Variants in PXDNL observed in about 807,000 individuals in gnomAD.
The protein encoded by PXDNL is probable oxidoreductase PXDNL.
A neutral mutation model predicts 150.8 loss-of-function variants in PXDNL; 145 were observed. The observed-to-expected ratio is 0.96, with a 90% CI of 0.84 to 1.10. The LOEUF is 1.10. Among genes scored for constraint, PXDNL ranks in the 50% least tolerant of loss-of-function variants. The pLI is 0.00. For missense variants in PXDNL, 2,087 were observed against 1,873.9 expected, an observed-to-expected ratio of 1.11 and a Z score of -2.10; for synonymous variants, 757 against 725.7, an observed-to-expected ratio of 1.04 and a Z score of -0.69.
At chr8:51,348,995 AGTG>A (rs1806251585) in intron 19 of PXDNL, among the ~76,000 whole-genome samples, 2 of 152,238 alleles carry the variant, frequency 1.3e-5, no homozygotes, top group African/African-American at 4.8e-5. Context: ...GGATGAGTCT[AGTG>A]TGGAAAGTAA....
At chr8:51,523,127 G>A (rs1473930893) in intron 4 of PXDNL, among the ~76,000 whole-genome samples, 2 of 152,080 alleles carry the variant, frequency 1.3e-5, no homozygotes, top group Non-Finnish European at 2.9e-5. Flanking sequence ...TGCGGTTTAA[G>A]AAAAACAGAG....
At chr8:51,605,981 G>A (rs971634603) in intron 2 of PXDNL, among the ~76,000 whole-genome samples, 3 of 152,202 alleles carry the variant, frequency 2.0e-5, no homozygotes, top group East Asian at 3.9e-4. Flanking sequence ...CCATGCACTC[G>A]GACTTCTCAG....
chr8:51,598,312 G>A (rs959822804), intron 2 of PXDNL, among the ~76,000 whole-genome samples: 2 of 151,980 alleles, frequency 1.3e-5, no homozygotes, highest in East Asian at 3.9e-4. Flanking sequence ...TCTTATTCCA[G>A]TTCTCAAAGG....
At chr8:51,770,839 C>T (rs1384423744) in intron 1 of PXDNL, among the ~76,000 whole-genome samples, 1 of 152,160 alleles carries the variant, frequency 6.6e-6, no homozygotes, top group African/African-American at 2.4e-5. Context: ...GATGGAGCCG[C>T]TTGGCAGGCA....
chr8:51,352,677 T>G (rs1030457301), intron 19 of PXDNL, among the ~76,000 whole-genome samples: 2 of 152,102 alleles, frequency 1.3e-5, no homozygotes, highest in African/African-American at 2.4e-5. Context: ...AAACTGTGAG[T>G]CAGAAACCCT....
intron 19 of PXDNL, among the ~76,000 whole-genome samples, chr8:51,360,203 A>G (rs537345030): frequency 6.6e-6 from 1 of 152,346 alleles, no homozygotes; most frequent in Admixed American, 6.5e-5. Context: ...TTGTGTACAC[A>G]TATAAACATA....
intron 17 of PXDNL, among the ~76,000 whole-genome samples, chr8:51,397,570 C>T (rs999692187): frequency 1.3e-5 from 2 of 152,052 alleles, no homozygotes; most frequent in Non-Finnish European, 2.9e-5. Flanking sequence ...GGAGGTTGCA[C>T]ACATAAATAG....
At chr8:51,344,308 T>C (rs1458840261) in intron 20 of PXDNL, among the ~76,000 whole-genome samples, 3 of 151,922 alleles carry the variant, frequency 2.0e-5, no homozygotes, top group Non-Finnish European at 4.4e-5. Context: ...TTTTTAGAGA[T>C]GGAGTCTCAC....
At chr8:51,540,268 T>C (rs888370791) in intron 4 of PXDNL, among the ~76,000 whole-genome samples, 1 of 152,176 alleles carries the variant, frequency 6.6e-6, no homozygotes, top group Non-Finnish European at 1.5e-5. Context: ...TTTGCTTACT[T>C]TGAATACAAT....
At chr8:51,775,467 G>T (rs181375888) in intron 1 of PXDNL, among the ~76,000 whole-genome samples, 1 of 152,122 alleles carries the variant, frequency 6.6e-6, no homozygotes, top group Non-Finnish European at 1.5e-5. Flanking sequence ...CCTGTGTTGC[G>T]GGAAGTCAAG....
intron 8 of PXDNL, among the ~76,000 whole-genome samples, chr8:51,466,970 A>C (rs1273541171): frequency 6.6e-6 from 1 of 152,170 alleles, no homozygotes; most frequent in African/African-American, 2.4e-5. Context: ...TAGCCACTGC[A>C]GAGAGCAGTT....
At chr8:51,395,152 G>A (rs533354262) in intron 17 of PXDNL, among the ~76,000 whole-genome samples, 27 of 152,174 alleles carry the variant, frequency 1.8e-4, no homozygotes, top group Non-Finnish European at 3.8e-4. Context: ...CCCTAGAGAG[G>A]GCCTGCAGGG....
At chr8:51,692,219 T>G (rs1484323038) in intron 1 of PXDNL, among the ~76,000 whole-genome samples, 1 of 152,202 alleles carries the variant, frequency 6.6e-6, no homozygotes, top group Non-Finnish European at 1.5e-5. Flanking sequence ...CTGATGAGCA[T>G]AAAACAATAT....
intron 3 of PXDNL, among the ~76,000 whole-genome samples, chr8:51,567,955 A>G (rs1449289303): frequency 6.6e-6 from 1 of 151,702 alleles, no homozygotes; most frequent in Non-Finnish European, 1.5e-5. Context: ...TACGGATGCA[A>G]TTTTTTCCCA....
intron 4 of PXDNL, among the ~76,000 whole-genome samples, chr8:51,538,532 G>A (rs1233137616): frequency 6.6e-6 from 1 of 152,134 alleles, no homozygotes; most frequent in Non-Finnish European, 1.5e-5. Flanking sequence ...TTGGGAGGCT[G>A]AGGCGGGTGG....
At chr8:51,561,656 G>A (rs1812723473) in intron 3 of PXDNL, among the ~76,000 whole-genome samples, 1 of 151,918 alleles carries the variant, frequency 6.6e-6, no homozygotes, top group Non-Finnish European at 1.5e-5. Flanking sequence ...CCTCTTGTAT[G>A]AGGAAGATAG....
chr8:51,374,845 G>A, intron 17 of PXDNL, 114 bp from the exon 18 acceptor site: 1 of 1,232,894 alleles, frequency 8.1e-7, no homozygotes, highest in Non-Finnish European at 1.1e-6. Flanking sequence ...AAGAAAAGTA[G>A]ATATGATTAC....
At chr8:51,725,949 GT>G (rs1205956342) in intron 1 of PXDNL, among the ~76,000 whole-genome samples, 1 of 152,172 alleles carries the variant, frequency 6.6e-6, no homozygotes, top group Admixed American at 6.5e-5. Context: ...TGGCCTCTAT[GT>G]TTTGGTTCAG....
At chr8:51,563,872 T>G (rs1384288028) in intron 3 of PXDNL, among the ~76,000 whole-genome samples, 1 of 151,964 alleles carries the variant, frequency 6.6e-6, no homozygotes, top group Non-Finnish European at 1.5e-5. Flanking sequence ...TAACTTTCTA[T>G]TATCTATAAA....
Sources: allele counts gnomAD v4.1 joint callset (sites outside exome capture counted in the v4.1 genomes callset), GRCh38; gene constraint gnomAD v4.1.1; transcripts MANE v1.5; gene names NCBI Gene and HGNC (gene_info 2026-07-23, HGNC 2026-07-21).